The following FAM227B variants were observed in gnomAD, a reference collection of about 807,000 sequenced individuals.
The protein encoded by FAM227B is family with sequence similarity 227 member B.
Under a neutral mutation model 73.8 loss-of-function variants are expected in FAM227B, and 88 were observed. The ratio of observed to expected loss-of-function variants is 1.19; its 90% CI spans 1.00 to 1.42. The LOEUF is 1.42. FAM227B is among the 40% of genes most tolerant of loss of function. The pLI, the probability that FAM227B is intolerant of heterozygous loss-of-function variation, is 0.00. For missense variants in FAM227B, 632 were observed against 590.9 expected (o/e 1.07, Z -0.72); for synonymous variants, 210 against 190.5 (o/e 1.10, Z -0.84).
At chr15:49,374,875 G>A (rs1445700113) in intron 11 of FAM227B, among the ~76,000 whole-genome samples, 1 of 152,144 alleles carries the variant, frequency 6.6e-6, no homozygotes, top group Non-Finnish European at 1.5e-5. Flanking sequence ...CTTATTGTGT[G>A]TATTTTCTGA....
chr15:49,512,488 GAATT>G (rs1175295525), intron 10 of FAM227B, among the ~76,000 whole-genome samples: 2 of 151,950 alleles, frequency 1.3e-5, no homozygotes, highest in Non-Finnish European at 2.9e-5. Context: ...CAATCTTCCA[GAATT>G]ATTATGGCTA....
chr15:49,423,451 GTTAT>G (rs762511219), intron 11 of FAM227B: 22 of 152,098 alleles, frequency 1.4e-4, no homozygotes, highest in Non-Finnish European at 2.4e-4. Context: ...GTAAGTTACT[GTTAT>G]TTGTCTTTTA....
At chr15:49,355,461 G>A (rs1362000882) in intron 13 of FAM227B, among the ~76,000 whole-genome samples, 5 of 152,272 alleles carry the variant, frequency 3.3e-5, no homozygotes, top group South Asian at 2.1e-4. Flanking sequence ...CTCAGGAGCC[G>A]ATGCGATCAA....
At chr15:49,476,876 G>T (rs1434734932) in intron 11 of FAM227B, among the ~76,000 whole-genome samples, 1 of 151,970 alleles carries the variant, frequency 6.6e-6, no homozygotes, top group Non-Finnish European at 1.5e-5. Context: ...TGGCTAACAC[G>T]GTGAAACCTC....
rs2037799927 is a variant in FAM227B, at chr15:49,327,895, G to A, written c.*673C>T. 6.5e-7 allele frequency: 1 copy of A among 1,536,454 alleles called. No individual in the cohort carries two copies. Among genetic ancestry groups the A allele is most frequent in the Non-Finnish European group, 8.9e-7 (1 of 1,128,130 alleles). ...AGGCTATGTGTTCTACAAACACCAA[G>A]CAAATCCCTTGTATTTTCATTTATA... is the stretch of plus-strand genomic sequence containing the variant. On this transcript the variant is annotated 3_prime_UTR_variant, in exon 16 of 16. Transcript: ENST00000299338.
intron 10 of FAM227B, among the ~76,000 whole-genome samples, chr15:49,515,590 G>A (rs532108580): frequency 6.6e-6 from 1 of 152,242 alleles, no homozygotes; most frequent in African/African-American, 2.4e-5. Flanking sequence ...TTTAACGCCT[G>A]AAAATGGGCT....
intron 13 of FAM227B, among the ~76,000 whole-genome samples, chr15:49,361,540 C>T (rs887359827): frequency 1.3e-5 from 2 of 151,994 alleles, no homozygotes; most frequent in Non-Finnish European, 2.9e-5. Flanking sequence ...GGTTAATGGC[C>T]TCCAGCTCCA....
intron 11 of FAM227B, among the ~76,000 whole-genome samples, chr15:49,388,387 T>C (rs1211023735): frequency 6.6e-6 from 1 of 151,472 alleles, no homozygotes; most frequent in Non-Finnish European, 1.5e-5. Flanking sequence ...AGGGAATTGA[T>C]ATCATTTATT....
chr15:49,473,168 T>C lies in FAM227B; in HGVS notation c.1012+35043A>G, dbSNP rs1176231352. Among the ~76,000 whole-genome samples the C allele has an allele frequency of 2.0e-5, 3 of 152,174 alleles. 1 individual carries two copies. Among genetic ancestry groups the C allele is most frequent in the African/African-American group, 7.2e-5 (3 of 41,460 alleles). On this transcript the variant is annotated intron_variant, in intron 11 of 15. Coordinates refer to ENST00000299338, the MANE Select transcript of FAM227B (RefSeq NM_152647.3). ...AATGGTTTGAGTGCCTCCACAAACA[T>C]ATCAAATATGAATGCCAGGAATTTA...
chr15:49,541,771 TGC>T lies in FAM227B; in HGVS notation c.781_782del (p.Ala261AsnfsTer4). Reference protein sequence around the residue: ...YPDCLAQAIYATFHEAFPESS... With the variant: ...YPDCLAQAIYXTFHEAFPESS... ...ATTCTGGAAATGCTTCATGGAACGT[TGC>T]ATATATGGCTTGTGCCAAACAATCA... is the stretch of plus-strand genomic sequence containing the variant. On this transcript the variant is annotated frameshift_variant, in exon 10 of 16. Coordinates refer to ENST00000299338, the MANE Select transcript of FAM227B (RefSeq NM_152647.3). LOFTEE classifies it high-confidence loss of function. The T allele has an allele frequency of 6.5e-7, 1 of 1,536,066 alleles. No individual in the cohort carries two copies. Among genetic ancestry groups the T allele is most frequent in the Non-Finnish European group, 8.8e-7 (1 of 1,141,042 alleles).
At chr15:49,355,534 T>C (rs1189745563) in intron 13 of FAM227B, among the ~76,000 whole-genome samples, 6 of 151,884 alleles carry the variant, frequency 4.0e-5, no homozygotes, top group Non-Finnish European at 8.8e-5. Flanking sequence ...AAGGGAAGTT[T>C]AGAGAAAAAA....
At chr15:49,337,450 A>T (rs2039919715) in intron 13 of FAM227B, among the ~76,000 whole-genome samples, 1 of 129,884 alleles carries the variant, frequency 7.7e-6, no homozygotes, top group Admixed American at 7.8e-5. Context: ...GAGTGATGCT[A>T]AGCATTTTTG....
intron 11 of FAM227B, among the ~76,000 whole-genome samples, chr15:49,401,645 T>C (rs1349938768): frequency 2.3e-5 from 3 of 128,668 alleles, no homozygotes; most frequent in African/African-American, 7.9e-5. Context: ...ATGTGGCACA[T>C]ATACACCATG....
chr15:49,335,099 G>A (rs1730247123), intron 14 of FAM227B, among the ~76,000 whole-genome samples: 1 of 152,122 alleles, frequency 6.6e-6, no homozygotes, highest in South Asian at 2.1e-4. Flanking sequence ...TTTTCTGCTA[G>A]TCTTCCAGGG....
At chr15:49,389,666 TTATTAA>T (rs930431752) in intron 11 of FAM227B, among the ~76,000 whole-genome samples, 6 of 152,118 alleles carry the variant, frequency 3.9e-5, no homozygotes, top group East Asian at 1.9e-4. Flanking sequence ...AAAAGTATTG[TTATTAA>T]TATTATTTCT....
intron 10 of FAM227B, among the ~76,000 whole-genome samples, chr15:49,523,433 C>T (rs940257407): frequency 6.6e-6 from 1 of 152,188 alleles, no homozygotes; most frequent in Non-Finnish European, 1.5e-5. Context: ...TGACTTGCTT[C>T]TCCCTGCCTT....
chr15:49,608,494 A>G (rs766920197), intron 3 of FAM227B, among the ~76,000 whole-genome samples: 1 of 152,110 alleles, frequency 6.6e-6, no homozygotes, highest in Non-Finnish European at 1.5e-5. Flanking sequence ...AGTATCAAAC[A>G]GAAGGTAAGA....
chr15:49,459,585 T>C (rs1465274899), intron 11 of FAM227B, among the ~76,000 whole-genome samples: 1 of 152,202 alleles, frequency 6.6e-6, no homozygotes, highest in East Asian at 1.9e-4. Flanking sequence ...GTTTTATCTC[T>C]TCAATATTTT....
At chr15:49,345,627 A>G (rs1159169886) in intron 13 of FAM227B, among the ~76,000 whole-genome samples, 1 of 152,152 alleles carries the variant, frequency 6.6e-6, no homozygotes, top group Non-Finnish European at 1.5e-5. Context: ...TTGGCCTCAT[A>G]CTTTATATTC....
Sources: allele counts gnomAD v4.1 joint callset (sites outside exome capture counted in the v4.1 genomes callset), GRCh38; gene constraint gnomAD v4.1.1; transcripts MANE v1.5; gene names NCBI Gene and HGNC (gene_info 2026-07-23, HGNC 2026-07-21).